Variants in NEB observed in about 807,000 individuals in gnomAD.
NEB encodes nebulin.
NEB carries 512 observed loss-of-function variants against 952.2 expected under a neutral mutation model. The ratio of observed to expected loss-of-function variants is 0.54; its 90% CI spans 0.50 to 0.58. The LOEUF (loss-of-function observed/expected upper bound fraction) is 0.58. Ranked by LOEUF, NEB falls within the 20% of genes least tolerant of loss-of-function variation. The probability of loss-of-function intolerance (pLI) is 0.00; values close to 1 mark genes in which losing one functional copy is unlikely to be tolerated. For synonymous variants in NEB, 2,900 were observed against 3,149.8 expected, an observed-to-expected ratio of 0.92 and a Z score of 2.66; for missense variants, 8,428 against 9,231.1, an observed-to-expected ratio of 0.91 and a Z score of 3.56.
At chr2:151,504,961 A>G (rs1226532962) in intron 165 of NEB, among the ~76,000 whole-genome samples, 4 of 152,112 alleles carry the variant, frequency 2.6e-5, no homozygotes, top group Non-Finnish European at 5.9e-5. Flanking sequence ...ACAGGAGAAG[A>G]AACCTTGAAA....
rs2099814427 is a variant in NEB at position 151,733,763 on chromosome 2, T to C, written c.-81A>G. On this transcript the variant is annotated 5_prime_UTR_variant, in exon 2 of 182. Transcript: ENST00000397345. The stretch of plus-strand genomic sequence containing the variant: ...CCGAACACCATTGGCTTATACAGAC[T>C]TTTTCTTTCGTTTCTGTAGCTCTCG... 6.6e-6 allele frequency: 1 copy of C among 152,206 alleles called. No individual in the cohort carries two copies. The highest frequency in any genetic ancestry group is 6.5e-5 in the Admixed American group (1 of 15,272). 9.4% of individuals were successfully genotyped at this position (152,206 alleles called of 1,614,324 possible).
intron 37 of NEB, 182 bp from the exon 38 acceptor site, chr2:151,671,411 G>T (rs1471594714): frequency 3.4e-6 from 2 of 590,224 alleles, no homozygotes; most frequent in Middle Eastern, 4.5e-4. Context: ...TTGTTAGAGT[G>T]CATTATACAA....
rs553452164 is a variant in NEB at position 151,696,387 on chromosome 2, T to C, written c.1569+250A>G. Among the ~76,000 whole-genome samples the C allele has an allele frequency of 5.9e-5, 9 of 152,356 alleles. No individual in the cohort carries two copies. In the South Asian group the frequency reaches 8.3e-4, roughly 14 times the overall value. Reference sequence around the variant, plus strand: ...AGCTAACATTTGAATGCGGTTTTGTTTGACTCTAGAACTCATGTTCTTTCC... The same window carrying C: ...AGCTAACATTTGAATGCGGTTTTGTCTGACTCTAGAACTCATGTTCTTTCC... On this transcript the variant is annotated intron_variant, in intron 17 of 181. Transcript: ENST00000397345.
At chr2:151,499,097 CTT>C (rs927526327) in intron 169 of NEB, among the ~76,000 whole-genome samples, 199 bp downstream of exon 169, 2 of 151,954 alleles carry the variant, frequency 1.3e-5, no homozygotes, top group East Asian at 3.8e-4. Flanking sequence ...ATACTGAACA[CTT>C]TTTTTATTAA....
In NEB at chr2:151,526,121, A is replaced by C. The variant is rs753749364; in HGVS notation, c.22050+37T>G. 5 of 1,612,292 alleles carry C rather than the reference A, an allele frequency of 3.1e-6. No homozygotes were observed. In the South Asian group the frequency reaches 5.5e-5, roughly 18 times the overall value. On this transcript the variant is annotated intron_variant, in intron 149 of 181. Transcript: ENST00000397345. ...AGGCATCTGCCTGGGGCGTTCTCCC[A>C]AGAGGGAAGCAGAACTCATGGGCGG... is the stretch of plus-strand genomic sequence containing the variant.
In NEB at chr2:151,658,102, G is replaced by T; in HGVS notation, c.6076-12C>A. On this transcript the variant is annotated splice_polypyrimidine_tract_variant and intron_variant, in intron 47 of 181. Coordinates refer to ENST00000397345, the MANE Select transcript of NEB (RefSeq NM_001164508.2). ...AGTTTGTAGAGTTTCTGTAAAGAGA[G>T]GCAAAGGGAAGAGTTTTCTTCTAAA... The T allele has an allele frequency of 6.5e-7, 1 of 1,529,994 alleles. No homozygotes were observed. Among genetic ancestry groups the T allele is most frequent in the Non-Finnish European group, 9.0e-7 (1 of 1,112,842 alleles). The allele number at this position is 1,529,994 out of a possible 1,614,324, so 94.8% of individuals were successfully genotyped here.
rs1559093497 is a variant in NEB at position 151,672,672 on chromosome 2, G to A, written c.3996C>T (p.Tyr1332=). The change falls in exon 37 of 182, where the codon TAC becomes TAT. Residue 1332 remains tyrosine (Y), a synonymous_variant. Coordinates refer to ENST00000397345, the MANE Select transcript of NEB (RefSeq NM_001164508.2). The stretch of plus-strand genomic sequence containing the variant: ...CCTTTGACTTCTCATAAGCTTCCTT[G>A]TATTTATACTGTGGAGGCAGAATTG... ...ASRNIASDYK[Y]KEAYEKSKGK... 6.2e-7 allele frequency: 1 copy of A among 1,610,784 alleles called. No individual in the cohort carries two copies. The highest frequency in any genetic ancestry group is 8.5e-7 in the Non-Finnish European group (1 of 1,177,744).
In NEB at chr2:151,639,866, A is replaced by G. The variant is rs770284551; in HGVS notation, c.8880T>C (p.Thr2960=). ...EQVLAKNNAI[T]MNKRLYTEAW... is the part of the protein sequence containing the mutation. Reference sequence around the variant, plus strand: ...AATTTTGAAGTCTCACCTTGTTCATAGTGATGGCATTATTTTTGGCCAACA... The same window carrying G: ...AATTTTGAAGTCTCACCTTGTTCATGGTGATGGCATTATTTTTGGCCAACA... The change falls in exon 62 of 182, where the codon ACT becomes ACC. Residue 2960 remains threonine (T), a synonymous_variant. Transcript: ENST00000397345. 3.1e-6 allele frequency: 5 copies of G among 1,612,936 alleles called. No homozygotes were observed. In the African/African-American group the frequency reaches 4.0e-5, roughly 13 times the overall value.
At position 151,664,836 on chromosome 2, in the gene NEB, C is replaced by G. The variant is rs1169292363; in HGVS notation, c.5266G>C (p.Asp1756His). ...KRLYTEKWNKDKTTIHVMPDT... is the reference protein window; with the variant it reads ...KRLYTEKWNKHKTTIHVMPDT... ...GGCATGACATGAATGGTGGTCTTGT[C>G]CTTGTTCCATTTTTCAGTGTAGAGC... is the stretch of plus-strand genomic sequence containing the variant. The change falls in exon 43 of 182, where the codon GAC becomes CAC. Residue 1756 changes from aspartate to histidine, a missense_variant. Asp to His is a moderately conservative substitution (Grantham distance 81, BLOSUM62 -1). This residue lies in a region of NEB where 2,851 missense variants were observed against 2,791.5 expected (regional missense o/e 1.02). Transcript: ENST00000397345. 1.2e-6 allele frequency: 2 copies of G among 1,612,536 alleles called. No homozygotes were observed. Among genetic ancestry groups the G allele is most frequent in the Non-Finnish European group, 8.5e-7 (1 of 1,179,194 alleles).
At chr2:151,702,731 A>T (rs1010304495) in intron 13 of NEB, among the ~76,000 whole-genome samples, 21 of 152,066 alleles carry the variant, frequency 1.4e-4, no homozygotes, top group Admixed American at 7.2e-4. Context: ...TAGATCTTCC[A>T]CCATCCTTTT....
At chr2:151,499,455 T>C (rs2062796383) in intron 168 of NEB, 65 bp from the exon 169 acceptor site, 6 of 842,670 alleles carry the variant, frequency 7.1e-6, no homozygotes, top group African/African-American at 1.7e-5. Context: ...TCATCTACCT[T>C]GTGGGGAACC....
In NEB at chr2:151,522,362, C is replaced by A. The variant is rs1402341587; in HGVS notation, c.22479+1949G>T. 5.3e-5 allele frequency among the ~76,000 whole-genome samples: 8 copies of A among 152,108 alleles called. No homozygotes were observed. In the South Asian group the frequency reaches 1.2e-3, roughly 24 times the overall value. ...TACCAATCTTCAGTATATTAAAAAT[C>A]AAAAATGGCAGATAACTTCAGAAGA... On this transcript the variant is annotated intron_variant, in intron 153 of 181. Transcript: ENST00000397345.
chr2:151,670,458 ACGTGTCT>A (rs2099272237), intron 38 of NEB, among the ~76,000 whole-genome samples: 1 of 152,004 alleles, frequency 6.6e-6, no homozygotes, highest in East Asian at 1.9e-4. Context: ...AGACATACAG[ACGTGTCT>A]CAGAATGAGA....
In NEB at chr2:151,658,193, A is replaced by G. The variant is rs532800289; in HGVS notation, c.6076-103T>C. ...TGTGGCGTCTTTTTTTTTGTTTTTGAGCAGAATGCTTCGTTGGTGCTTCAG... is the reference window on the plus strand; with the variant it reads ...TGTGGCGTCTTTTTTTTTGTTTTTGGGCAGAATGCTTCGTTGGTGCTTCAG... On this transcript the variant is annotated intron_variant, in intron 47 of 181. Coordinates refer to ENST00000397345, the MANE Select transcript of NEB (RefSeq NM_001164508.2). 7 of 794,410 alleles carry G rather than the reference A, an allele frequency of 8.8e-6. No homozygotes were observed. The South Asian group carries it at 1.2e-4, about 14-fold the overall frequency. 49.2% of individuals were successfully genotyped at this position (794,410 alleles called of 1,614,324 possible). A position where few individuals can be genotyped will look rare whatever the true frequency, so the allele number is the denominator to read the frequency against.
At chr2:151,500,236 A>G (rs1304154550) in intron 168 of NEB, among the ~76,000 whole-genome samples, 1 of 152,208 alleles carries the variant, frequency 6.6e-6, no homozygotes, top group Admixed American at 6.5e-5. Context: ...AAAGAAAGTT[A>G]CTGATCTAAT....
Position 151,489,872 on chromosome 2 carries a change from G to T in NEB, c.25404+99C>A. 6.2e-6 allele frequency: 5 copies of T among 811,642 alleles called. No individual in the cohort carries two copies. The South Asian group carries it at 7.7e-5, about 12-fold the overall frequency. The allele number at this position is 811,642 out of a possible 1,614,324, so 50.3% of individuals were successfully genotyped here. On this transcript the variant is annotated intron_variant, in intron 181 of 181. Coordinates refer to ENST00000397345, the MANE Select transcript of NEB (RefSeq NM_001164508.2). ...AAAAGAGCATTATATAAAATAGAAG[G>T]TTTGGTTAAAAAAAACCGTAATACC...
chr2:151,547,461 G>T lies in NEB; in HGVS notation c.20335C>A (p.His6779Asn). 1 of 1,606,274 alleles carries T rather than the reference G, an allele frequency of 6.2e-7. No homozygotes were observed. Among genetic ancestry groups the T allele is most frequent in the Non-Finnish European group, 8.5e-7 (1 of 1,176,464 alleles). ...GTGATGTCTCCCACATAGCGGCAAT[G>T]GATCACTTGGGGTGTGTATGGCAGA... The part of the protein sequence containing the change: ...ISLPYTPQVI[H>N]CRYVGDITSD... Residue 6779 changes from histidine to asparagine, a missense_variant, in exon 133 of 182, where the codon CAT becomes AAT. Coordinates refer to ENST00000397345, the MANE Select transcript of NEB (RefSeq NM_001164508.2).
intron 107 of NEB, among the ~76,000 whole-genome samples, chr2:151,573,818 A>G (rs1351416988): frequency 6.6e-6 from 1 of 152,152 alleles, no homozygotes; most frequent in Non-Finnish European, 1.5e-5. Context: ...TGAATTGTGT[A>G]GCCAGCCACG....
Position 151,575,677 on chromosome 2 carries a change from G to A in NEB, c.17013+18C>T. 1.3e-6 allele frequency: 2 copies of A among 1,495,340 alleles called. No individual in the cohort carries two copies. The highest frequency in any genetic ancestry group is 1.1e-5 in the South Asian group (1 of 88,212). 92.6% of individuals were successfully genotyped at this position (1,495,340 alleles called of 1,614,324 possible). On this transcript the variant is annotated intron_variant, in intron 107 of 181. Coordinates refer to ENST00000397345, the MANE Select transcript of NEB (RefSeq NM_001164508.2). ...GGGTAACTTTCCAAACAAAAAGAGA[G>A]TCTGTTGTAGTACTTACATTGCTCA...
Sources: gnomAD v4.1 joint callset for allele counts (sites outside exome capture counted in the v4.1 genomes callset) on GRCh38, gnomAD v4.1.1 for gene constraint, gnomAD v4.1.1 regional missense constraint, MANE v1.5 for transcripts, NCBI Gene and HGNC (gene_info 2026-07-23, HGNC 2026-07-21) for gene names.